The following DIAPH3 variants were observed in gnomAD, a reference collection of about 807,000 sequenced individuals.
The protein encoded by DIAPH3 is protein diaphanous homolog 3.
DIAPH3 carries 117 observed loss-of-function variants against 144.3 expected under a neutral mutation model. The ratio of observed to expected loss-of-function variants is 0.81; its 90% confidence interval spans 0.70 to 0.95. The LOEUF (loss-of-function observed/expected upper bound fraction) is 0.95. Among genes scored for constraint, DIAPH3 ranks in the 40% least tolerant of loss-of-function variants. The probability of loss-of-function intolerance (pLI) is 0.00; values close to 1 mark genes in which losing one functional copy is unlikely to be tolerated. For synonymous variants in DIAPH3, 519 were observed against 488.9 expected (o/e 1.06, Z -0.81); for missense variants, 1,421 against 1,412.7 (o/e 1.01, Z -0.09).
At chr13:59,798,293 C>T (rs921618981) in intron 25 of DIAPH3, among the ~76,000 whole-genome samples, 1 of 152,156 alleles carries the variant, frequency 6.6e-6, no homozygotes, top group Non-Finnish European at 1.5e-5. Flanking sequence ...TCTCTAAAAG[C>T]AAATCATATC....
chr13:59,782,097 A>C (rs2038770905), intron 25 of DIAPH3, among the ~76,000 whole-genome samples: 1 of 152,188 alleles, frequency 6.6e-6, no homozygotes, highest in Admixed American at 6.5e-5. Flanking sequence ...AGCAGGAAAA[A>C]ACCAGGACAG....
At chr13:59,860,070 AACAT>A (rs1479583214) in intron 22 of DIAPH3, among the ~76,000 whole-genome samples, 2 of 152,204 alleles carry the variant, frequency 1.3e-5, no homozygotes, top group Admixed American at 6.5e-5. Flanking sequence ...ACTTCAAGGA[AACAT>A]ACATCTCAGA....
At chr13:60,064,925 G>T (rs1427022131) in intron 4 of DIAPH3, among the ~76,000 whole-genome samples, 2 of 152,048 alleles carry the variant, frequency 1.3e-5, no homozygotes, top group Non-Finnish European at 2.9e-5. Context: ...TTTTAACATT[G>T]CTGTGCTTCA....
At chr13:59,753,270 G>A (rs919108495) in intron 27 of DIAPH3, among the ~76,000 whole-genome samples, 1 of 152,162 alleles carries the variant, frequency 6.6e-6, no homozygotes, top group Non-Finnish European at 1.5e-5. Context: ...TTCGATATCT[G>A]AGGCTTCTAC....
At chr13:59,870,792 T>A (rs2044216870) in intron 21 of DIAPH3, among the ~76,000 whole-genome samples, 1 of 151,594 alleles carries the variant, frequency 6.6e-6, no homozygotes, top group African/African-American at 2.4e-5. Context: ...TGTCTCAGCC[T>A]CCCTAGTAGC....
chr13:60,016,739 G>A (rs961258159), intron 5 of DIAPH3, among the ~76,000 whole-genome samples: 2 of 152,126 alleles, frequency 1.3e-5, no homozygotes, highest in South Asian at 4.1e-4. Flanking sequence ...AAGTTCAGTT[G>A]CTTTAAAAAC....
At chr13:59,795,670 G>T (rs547670860) in intron 25 of DIAPH3, among the ~76,000 whole-genome samples, 1 of 151,930 alleles carries the variant, frequency 6.6e-6, no homozygotes, top group Non-Finnish European at 1.5e-5. Flanking sequence ...TGCTAAGATG[G>T]TCTCGATCTC....
At chr13:59,972,593 T>C (rs531472824) in intron 15 of DIAPH3, among the ~76,000 whole-genome samples, 1 of 152,324 alleles carries the variant, frequency 6.6e-6, no homozygotes, top group South Asian at 2.1e-4. Flanking sequence ...ATCAAAAGCA[T>C]GCCTTATCAA....
chr13:60,084,372 G>A (rs959519104), intron 4 of DIAPH3, among the ~76,000 whole-genome samples: 2 of 151,496 alleles, frequency 1.3e-5, no homozygotes, highest in Non-Finnish European at 2.9e-5. Flanking sequence ...CTAGTTTCTA[G>A]TCCTAGCTAT....
At chr13:59,758,097 C>T (rs530338902) in intron 27 of DIAPH3, among the ~76,000 whole-genome samples, 106 of 152,182 alleles carry the variant, frequency 7.0e-4, no homozygotes, top group Admixed American at 2.4e-3. Flanking sequence ...ATTACTAAAA[C>T]TCTAATACCT....
At chr13:59,686,090 T>C (rs1216879883) in intron 27 of DIAPH3, among the ~76,000 whole-genome samples, 2 of 152,242 alleles carry the variant, frequency 1.3e-5, no homozygotes, top group South Asian at 4.1e-4. Context: ...AGATCCTTTT[T>C]GATTCAAAAG....
chr13:60,009,049 C>G (rs1024191826), intron 8 of DIAPH3, among the ~76,000 whole-genome samples: 32 of 152,034 alleles, frequency 2.1e-4, no homozygotes, highest in Non-Finnish European at 1.2e-4. Flanking sequence ...AATGGTGGAG[C>G]AAGAATCTGA....
chr13:59,743,834 C>T (rs1250204059), intron 27 of DIAPH3, among the ~76,000 whole-genome samples: 10 of 151,982 alleles, frequency 6.6e-5, no homozygotes, highest in Non-Finnish European at 1.3e-4. Context: ...ATTCAATTTC[C>T]TTTGAAATTG....
At chr13:60,048,383 T>A (rs1399785267) in intron 4 of DIAPH3, among the ~76,000 whole-genome samples, 2 of 152,136 alleles carry the variant, frequency 1.3e-5, no homozygotes, top group Non-Finnish European at 2.9e-5. Context: ...TAAGACAAAT[T>A]AATAAACAGA....
At chr13:59,802,320 A>G (rs978819253) in intron 25 of DIAPH3, among the ~76,000 whole-genome samples, 3 of 152,090 alleles carry the variant, frequency 2.0e-5, no homozygotes, top group African/African-American at 7.2e-5. Context: ...TTCCATTTCA[A>G]ATTAATAGAT....
chr13:60,018,954 CAA>C (rs779549058), intron 5 of DIAPH3, among the ~76,000 whole-genome samples: 3 of 152,042 alleles, frequency 2.0e-5, no homozygotes, highest in Non-Finnish European at 4.4e-5. Flanking sequence ...TAAAAATTTG[CAA>C]ACTCAACATA....
At chr13:59,824,096 C>T (rs2139656406) in intron 24 of DIAPH3, among the ~76,000 whole-genome samples, 1 of 152,040 alleles carries the variant, frequency 6.6e-6, no homozygotes, top group South Asian at 2.1e-4. Flanking sequence ...ACTCTAAAGC[C>T]AGAGCTATAC....
intron 2 of DIAPH3, among the ~76,000 whole-genome samples, chr13:60,125,174 C>A (rs1196493781): frequency 1.3e-5 from 2 of 152,050 alleles, no homozygotes; most frequent in Non-Finnish European, 2.9e-5. Context: ...ACTTAACACA[C>A]CGCTCTTCTA....
intron 27 of DIAPH3, among the ~76,000 whole-genome samples, chr13:59,689,213 C>T (rs2033379104): frequency 6.6e-6 from 1 of 151,980 alleles, no homozygotes; most frequent in Non-Finnish European, 1.5e-5. Context: ...GTAAAGAAGG[C>T]CTGGACTACC....
Sources: allele counts gnomAD v4.1 joint callset (sites outside exome capture counted in the v4.1 genomes callset), GRCh38; gene constraint gnomAD v4.1.1; transcripts MANE v1.5; gene names NCBI Gene and HGNC (gene_info 2026-07-23, HGNC 2026-07-21).